Variants in GSE1 observed in about 807,000 individuals in gnomAD.
GSE1 encodes the protein genetic suppressor element 1.
A neutral mutation model predicts 112.6 loss-of-function variants in GSE1; 32 were observed. The ratio of observed to expected loss-of-function variants is 0.28; its 90% CI spans 0.21 to 0.38. The LOEUF (loss-of-function observed/expected upper bound fraction) is 0.38, where lower values mean the gene tolerates loss of function less well. Ranked by LOEUF, GSE1 falls within the 10% of genes least tolerant of loss-of-function variation. The probability of loss-of-function intolerance (pLI) is 1.00; values close to 1 mark genes in which losing one functional copy is unlikely to be tolerated. For synonymous variants in GSE1, 1,115 were observed against 735.6 expected (o/e 1.52, Z -8.35); for missense variants, 2,348 against 1,699.2 (o/e 1.38, Z -6.71).
chr16:85,437,222 A>G (rs2049269824), intron 2 of GSE1, among the ~76,000 whole-genome samples: 2 of 152,140 alleles, frequency 1.3e-5, no homozygotes, highest in Admixed American at 1.3e-4. Context: ...GGGCTCCCCA[A>G]GGAGGCTCCT....
chr16:85,661,710 G>T lies in GSE1; in HGVS notation c.2205G>T (p.Arg735Ser). The T allele has an allele frequency of 1.3e-6, 2 of 1,594,994 alleles. No individual in the cohort carries two copies. The highest frequency in any genetic ancestry group is 1.7e-6 in the Non-Finnish European group (2 of 1,170,926). ...ATGAGTTCCTGCAGCAGCGCCGGAG[G>T]CTGGTCAGCAAGCTGGACCTGGAGG... ...IYDEFLQQRR[R>S]LVSKLDLEER... Residue 735 changes from arginine to serine, a missense_variant, in exon 9 of 16, where the codon AGG (arginine) becomes AGT (serine). By Grantham distance (110) the Arg-to-Ser change is moderately radical. Transcript: ENST00000253458.
intron 1 of GSE1, among the ~76,000 whole-genome samples, chr16:85,198,316 CAG>C (rs144890035): frequency 1.5e-3 from 230 of 152,306 alleles, no homozygotes; most frequent in East Asian, 8.5e-3. Flanking sequence ...ACGAGGTCAA[CAG>C]GGGATGAGAG....
chr16:85,620,128 T>TAAA (rs1201108223), intron 1 of GSE1, among the ~76,000 whole-genome samples: 2 of 151,866 alleles, frequency 1.3e-5, no homozygotes, highest in African/African-American at 2.4e-5. Flanking sequence ...AAAATAAAAA[T>TAAA]AAAAAGAACT....
chr16:85,200,624 C>T (rs2075010135), intron 1 of GSE1, among the ~76,000 whole-genome samples: 1 of 152,122 alleles, frequency 6.6e-6, no homozygotes, highest in South Asian at 2.1e-4. Flanking sequence ...CATTCACTGA[C>T]AATGAATCAC....
intron 1 of GSE1, among the ~76,000 whole-genome samples, chr16:85,312,112 C>T (rs1294247879): frequency 3.3e-5 from 5 of 150,686 alleles, no homozygotes; most frequent in African/African-American, 1.2e-4. Context: ...TCAGACTCTC[C>T]TGCTGGCCCC....
In GSE1 at chr16:85,478,881, TTC is replaced by T. The variant is rs1376768873; in HGVS notation, c.2464+121240_2464+121241del. 1.6e-3 allele frequency among the ~76,000 whole-genome samples: 99 copies of T among 61,614 alleles called. 3 individuals are homozygous for T. The highest frequency in any genetic ancestry group is 8.5e-3 in the African/African-American group (71 of 8,330). 40.4% of individuals were successfully genotyped at this position (61,614 alleles called of 152,430 possible). ...TTTCTTTCTTTCTTTCTTTCTTTCT[TTC>T]TTTCTTTCTTTCTTTCTTTCTTTCT... is the stretch of plus-strand genomic sequence containing the variant. On this transcript the variant is annotated intron_variant, in intron 2 of 2. Coordinates refer to the GSE1 transcript ENST00000637419.
At chr16:85,574,854 G>C (rs2046155265) in intron 1 of GSE1, among the ~76,000 whole-genome samples, 1 of 152,236 alleles carries the variant, frequency 6.6e-6, no homozygotes, top group Non-Finnish European at 1.5e-5. Flanking sequence ...GGGGCTCCCT[G>C]CTGGAGCCTG....
upstream of GSE1, among the ~76,000 whole-genome samples, chr16:85,606,986 C>G (rs2047732989): frequency 6.6e-6 from 1 of 151,794 alleles, no homozygotes; most frequent in South Asian, 2.1e-4. Flanking sequence ...TGCCAGCTGT[C>G]TCCAGAGAGT....
At chr16:85,510,232 AT>A (rs2051689855) in intron 2 of GSE1, among the ~76,000 whole-genome samples, 1 of 152,204 alleles carries the variant, frequency 6.6e-6, no homozygotes, top group African/African-American at 2.4e-5. Flanking sequence ...TGGGGGCTGA[AT>A]TTCCATTTTA....
chr16:85,621,488 C>T (rs1035062383), intron 1 of GSE1, among the ~76,000 whole-genome samples: 2 of 152,200 alleles, frequency 1.3e-5, no homozygotes, highest in African/African-American at 4.8e-5. Context: ...GTGTTGTTTC[C>T]ACCTAAATGT....
intron 1 of GSE1, among the ~76,000 whole-genome samples, chr16:85,199,156 C>T (rs564775612): frequency 6.6e-6 from 1 of 152,072 alleles, no homozygotes; most frequent in African/African-American, 2.4e-5. Context: ...AGGGTTTCAG[C>T]ATGTTGGCCA....
chr16:85,455,428 A>T (rs2049799896), intron 2 of GSE1, among the ~76,000 whole-genome samples: 1 of 151,940 alleles, frequency 6.6e-6, no homozygotes, highest in Admixed American at 6.6e-5. Flanking sequence ...AAAGAAAAGA[A>T]AAAAGAAACT....
chr16:85,489,520 C>CCAGA (rs2050943772), intron 2 of GSE1, among the ~76,000 whole-genome samples: 1 of 152,088 alleles, frequency 6.6e-6, no homozygotes. Context: ...GCCATCGGAC[C>CCAGA]CAGACACACA....
At chr16:85,584,822 G>C (rs1305877640) in intron 1 of GSE1, among the ~76,000 whole-genome samples, 1 of 152,148 alleles carries the variant, frequency 6.6e-6, no homozygotes, top group South Asian at 2.1e-4. Context: ...AGCAGGGTGT[G>C]GGGGTGGCTC....
At chr16:85,466,479 G>A (rs575359675) in intron 2 of GSE1, among the ~76,000 whole-genome samples, 47 of 152,310 alleles carry the variant, frequency 3.1e-4, no homozygotes, top group African/African-American at 1.1e-3. Context: ...GGCGCACACT[G>A]GCAGCTGAGC....
chr16:85,540,877 G>A (rs527840383), intron 2 of GSE1, among the ~76,000 whole-genome samples: 4 of 152,268 alleles, frequency 2.6e-5, no homozygotes, highest in East Asian at 1.9e-4. Flanking sequence ...ACTGCACTCC[G>A]GCCTGAGCAA....
chr16:85,415,771 C>G (rs1298736175), intron 2 of GSE1, among the ~76,000 whole-genome samples: 1 of 152,228 alleles, frequency 6.6e-6, no homozygotes, highest in Non-Finnish European at 1.5e-5. Context: ...GGCTGCCAAG[C>G]TGGCAGTGAC....
rs1252785416 is a variant in GSE1, at chr16:85,651,402, T to TGCCCCCCA, written c.426+2659_426+2666dup. On this transcript the variant is annotated intron_variant, in intron 3 of 15. Coordinates refer to ENST00000253458, the MANE Select transcript of GSE1 (RefSeq NM_014615.5). Reference sequence around the variant, plus strand: ...CCGGGCCCCTGCCCCGCCTGCTGGCTGCCCCCCAGCCCCCCGGACTCCCTG... The same window carrying TGCCCCCCA: ...CCGGGCCCCTGCCCCGCCTGCTGGCTGCCCCCCAGCCCCCCAGCCCCCCGGACTCCCTG... Among the ~76,000 whole-genome samples, 7 of 151,976 alleles carry TGCCCCCCA rather than the reference T, an allele frequency of 4.6e-5. No individual in the cohort carries two copies. In the East Asian group the frequency reaches 5.9e-4, roughly 13 times the overall value.
chr16:85,515,039 G>A (rs1189009964), intron 2 of GSE1, among the ~76,000 whole-genome samples: 1 of 152,230 alleles, frequency 6.6e-6, no homozygotes, highest in African/African-American at 2.4e-5. Context: ...GGGTGGATGT[G>A]TGTGCATGTG....
Sources: allele counts gnomAD v4.1 joint callset (sites outside exome capture counted in the v4.1 genomes callset), GRCh38; gene constraint gnomAD v4.1.1; transcripts MANE v1.5; gene names NCBI Gene and HGNC (gene_info 2026-07-23, HGNC 2026-07-21).